Variants in SLC9C2 observed in about 807,000 individuals in gnomAD.
The protein encoded by SLC9C2 is solute carrier family 9 member C2 (putative), also known as sodium/hydrogen exchanger 11.
In SLC9C2, 75 loss-of-function variants were observed where a neutral mutation model predicts 140.2. The observed-to-expected ratio is 0.53, with a 90% confidence interval of 0.44 to 0.65. SLC9C2 has a LOEUF of 0.65. Ranked by LOEUF, SLC9C2 falls within the 30% of genes least tolerant of loss-of-function variation. The probability of loss-of-function intolerance (pLI) is 0.00; values close to 1 mark genes in which losing one functional copy is unlikely to be tolerated. For synonymous variants in SLC9C2, 375 were observed against 420.9 expected (o/e 0.89, Z 1.34); for missense variants, 1,074 against 1,331.8 (o/e 0.81, Z 3.01).
intron 7 of SLC9C2, among the ~76,000 whole-genome samples, 176 bp downstream of exon 7, chr1:173,581,671 T>C (rs1439883769): frequency 6.7e-6 from 1 of 149,222 alleles, no homozygotes; most frequent in African/African-American, 2.5e-5. Context: ...GGAGTTGAAA[T>C]AAAAAGGATA....
chr1:173,600,026 A>G, intron 3 of SLC9C2, 91 bp downstream of exon 3: 1 of 810,402 alleles, frequency 1.2e-6, no homozygotes, highest in Non-Finnish European at 1.9e-6. Context: ...CCCATAAGAA[A>G]AAACATTCCA....
At chr1:173,532,218 TA>T (rs1439499314) in intron 17 of SLC9C2, among the ~76,000 whole-genome samples, 62 of 152,356 alleles carry the variant, frequency 4.1e-4, no homozygotes, top group African/African-American at 1.4e-3. Context: ...AGGAGTCTAA[TA>T]TGTGCATTTC....
At chr1:173,507,353 T>A (rs1351095883) in intron 24 of SLC9C2, among the ~76,000 whole-genome samples, 1 of 152,138 alleles carries the variant, frequency 6.6e-6, no homozygotes, top group Non-Finnish European at 1.5e-5. Flanking sequence ...CTTAAAAGAT[T>A]CAGAGTTTCA....
intron 11 of SLC9C2, among the ~76,000 whole-genome samples, chr1:173,548,800 C>T (rs184576113): frequency 3.4e-4 from 52 of 152,254 alleles, no homozygotes; most frequent in Middle Eastern, 3.4e-3. Flanking sequence ...CTTGCTTTCC[C>T]TATAGCTAAA....
At chr1:173,514,227 T>C (rs1660260593) in intron 23 of SLC9C2, among the ~76,000 whole-genome samples, 1 of 152,178 alleles carries the variant, frequency 6.6e-6, no homozygotes. Flanking sequence ...TAATTTTCTG[T>C]CTTGTTGATC....
chr1:173,588,247 C>T (rs1665969781), intron 4 of SLC9C2, among the ~76,000 whole-genome samples: 2 of 152,122 alleles, frequency 1.3e-5, no homozygotes, highest in South Asian at 4.1e-4. Context: ...CCCCCCTTTA[C>T]CTTTTATTAG....
At chr1:173,505,365 C>T in intron 25 of SLC9C2, 34 bp from the exon 26 acceptor site, 1 of 1,510,902 alleles carries the variant, frequency 6.6e-7, no homozygotes, top group Non-Finnish European at 9.2e-7. Context: ...GTCAAAAGAG[C>T]ATTCTTTGAT....
At position 173,600,229 on chromosome 1, in the gene SLC9C2, A is replaced by G; in HGVS notation, c.128-12T>C. 6.3e-7 allele frequency: 1 copy of G among 1,595,592 alleles called. No homozygotes were observed. The highest frequency in any genetic ancestry group is 8.6e-7 in the Non-Finnish European group (1 of 1,165,002). ...CATCTTCAAAAGCCCTAAATGTGAAAAACAGAATAGTTGCATGAGTACTCG... is the reference window on the plus strand; with the variant it reads ...CATCTTCAAAAGCCCTAAATGTGAAGAACAGAATAGTTGCATGAGTACTCG... On this transcript the variant is annotated splice_polypyrimidine_tract_variant and intron_variant, in intron 2 of 27. Transcript: ENST00000367714.
At chr1:173,501,522 T>C (rs1251058016) in intron 27 of SLC9C2, among the ~76,000 whole-genome samples, 1 of 144,646 alleles carries the variant, frequency 6.9e-6, no homozygotes, top group Admixed American at 6.8e-5. Context: ...TTTTTTTTTT[T>C]TTTTTTGAGA....
At chr1:173,599,514 A>G (rs1189401867) in intron 3 of SLC9C2, among the ~76,000 whole-genome samples, 1 of 151,228 alleles carries the variant, frequency 6.6e-6, no homozygotes, top group African/African-American at 2.4e-5. Flanking sequence ...AGCTGGGACT[A>G]CAGGCGCCCG....
chr1:173,548,339 C>A (rs760581617), intron 12 of SLC9C2, 50 bp downstream of exon 12: 3 of 1,553,420 alleles, frequency 1.9e-6, no homozygotes, highest in Non-Finnish European at 2.6e-6. Context: ...GCAAGTGAGG[C>A]AGACCAAGGG....
intron 4 of SLC9C2, among the ~76,000 whole-genome samples, chr1:173,589,235 T>C (rs1666024795): frequency 6.6e-6 from 1 of 152,164 alleles, no homozygotes; most frequent in African/African-American, 2.4e-5. Flanking sequence ...CAATTTTTAA[T>C]GATTATGGGA....
chr1:173,532,061 T>C (rs1175312123), intron 17 of SLC9C2, among the ~76,000 whole-genome samples: 1 of 152,206 alleles, frequency 6.6e-6, no homozygotes, highest in Admixed American at 6.5e-5. Context: ...CTCTGAACGG[T>C]AATTCTTATG....
rs1435212527 is a variant in SLC9C2 at position 173,599,475 on chromosome 1, C to T, written c.228+642G>A. 2.1e-5 allele frequency among the ~76,000 whole-genome samples: 3 copies of T among 141,304 alleles called. 1 individual carries two copies. In the South Asian group the frequency reaches 6.9e-4, roughly 33 times the overall value. 92.7% of individuals were successfully genotyped at this position (141,304 alleles called of 152,430 possible). ...CTGCAAGCTCCGTCTCCTGGGTTCA[C>T]GCCATTCTCCCGCCTCAGCCTCCTG... On this transcript the variant is annotated intron_variant, in intron 3 of 27. Transcript: ENST00000367714.
chr1:173,580,048 G>A (rs956882913), intron 7 of SLC9C2, among the ~76,000 whole-genome samples: 2 of 152,136 alleles, frequency 1.3e-5, no homozygotes, highest in Non-Finnish European at 2.9e-5. Context: ...GTTTAAAGCC[G>A]GCTCTTTTCT....
rs1473163842 is a variant in SLC9C2 at position 173,571,811 on chromosome 1, T to C, written c.1046+1371A>G. On this transcript the variant is annotated intron_variant, in intron 9 of 27. Coordinates refer to ENST00000367714, the MANE Select transcript of SLC9C2 (RefSeq NM_178527.4). ...CAAATACAGTGGTGGTTTGTTTTCA[T>C]GTTTTAATTTTATTAATAATGTTTT... 2.0e-5 allele frequency: 3 copies of C among 152,244 alleles called. No homozygotes were observed. The East Asian group carries it at 5.8e-4, about 29-fold the overall frequency. 9.4% of individuals were successfully genotyped at this position (152,244 alleles called of 1,614,324 possible).
At chr1:173,579,605 G>A (rs965725661) in intron 7 of SLC9C2, among the ~76,000 whole-genome samples, 2 of 152,138 alleles carry the variant, frequency 1.3e-5, no homozygotes, top group African/African-American at 2.4e-5. Context: ...ACAGCTATGC[G>A]ACTTATACTC....
At position 173,581,878 on chromosome 1, in the gene SLC9C2, G is replaced by T. The variant is rs970655068; in HGVS notation, c.771C>A (p.Cys257Ter). The part of the protein sequence containing the change: ...FSNMLTNIIL[C>*]FSMVYMTFYI... ...AGAAAGTCATGTACACCATTGAAAA[G>T]CAGAGAATGATATTAGTCAGCATAT... Residue 257 changes from cysteine (C) to a stop codon, truncating the protein, a stop_gained, in exon 7 of 28, where the codon TGC (cysteine) becomes TGA (stop). Coordinates refer to ENST00000367714, the MANE Select transcript of SLC9C2 (RefSeq NM_178527.4). LOFTEE classifies it high-confidence loss of function. 6.3e-7 allele frequency: 1 copy of T among 1,592,776 alleles called. No individual in the cohort carries two copies. Among genetic ancestry groups the T allele is most frequent in the African/African-American group, 1.3e-5 (1 of 74,478 alleles).
chr1:173,541,941 T>G (rs1428483905), intron 13 of SLC9C2, among the ~76,000 whole-genome samples: 2 of 151,828 alleles, frequency 1.3e-5, no homozygotes, highest in Non-Finnish European at 2.9e-5. Context: ...AACATCACAA[T>G]TAAAAGAACT....
Sources: allele counts gnomAD v4.1 joint callset (sites outside exome capture counted in the v4.1 genomes callset), GRCh38; gene constraint gnomAD v4.1.1; transcripts MANE v1.5; gene names NCBI Gene and HGNC (gene_info 2026-07-23, HGNC 2026-07-21).